The following GRM7 variants were observed in gnomAD, a reference collection of about 807,000 sequenced individuals.
GRM7 encodes glutamate metabotropic receptor 7.
Under a neutral mutation model 84.5 loss-of-function variants are expected in GRM7, and 35 were observed. The ratio of observed to expected loss-of-function variants is 0.41; its 90% CI spans 0.32 to 0.55. The LOEUF is 0.55. Among genes scored for constraint, GRM7 ranks in the 20% least tolerant of loss-of-function variants. The probability of loss-of-function intolerance (pLI) is 0.19; values close to 1 mark genes in which losing one functional copy is unlikely to be tolerated. For missense variants in GRM7, 1,003 were observed against 1,194.6 expected, an observed-to-expected ratio of 0.84 and a Z score of 2.36; for synonymous variants, 487 against 455.1, an observed-to-expected ratio of 1.07 and a Z score of -0.89.
chr3:7,476,732 G>C (rs754230354), intron 7 of GRM7, among the ~76,000 whole-genome samples: 4 of 152,082 alleles, frequency 2.6e-5, no homozygotes, highest in Non-Finnish European at 4.4e-5. Flanking sequence ...GCCATTCCCA[G>C]CTCCTGCTTC....
At chr3:6,896,894 A>G (rs1260259917) in intron 1 of GRM7, among the ~76,000 whole-genome samples, 1 of 152,126 alleles carries the variant, frequency 6.6e-6, no homozygotes, top group Non-Finnish European at 1.5e-5. Flanking sequence ...CTGTGCTCCA[A>G]CAATTGTGTG....
chr3:7,657,824 CT>C (rs1193985866), intron 8 of GRM7, among the ~76,000 whole-genome samples: 1 of 152,140 alleles, frequency 6.6e-6, no homozygotes, highest in African/African-American at 2.4e-5. Context: ...CTTTAGCTGG[CT>C]TTTAAGTTTC....
chr3:6,929,835 A>G (rs1697436962), intron 1 of GRM7, among the ~76,000 whole-genome samples: 1 of 152,098 alleles, frequency 6.6e-6, no homozygotes, highest in Admixed American at 6.5e-5. Context: ...AGGTGCTGTC[A>G]GAATGTTTTA....
intron 1 of GRM7, among the ~76,000 whole-genome samples, chr3:6,966,579 T>C (rs1693529284): frequency 6.6e-6 from 1 of 152,230 alleles, no homozygotes; most frequent in Non-Finnish European, 1.5e-5. Context: ...CATTTCCTTG[T>C]CTTCTTATAC....
chr3:7,238,405 T>C (rs1238535151), intron 2 of GRM7, among the ~76,000 whole-genome samples: 3 of 152,120 alleles, frequency 2.0e-5, no homozygotes, highest in Admixed American at 2.0e-4. Flanking sequence ...AGAAGGCTTC[T>C]CTGTTCGAAA....
At chr3:7,216,912 T>G (rs1696633297) in intron 2 of GRM7, among the ~76,000 whole-genome samples, 1 of 152,210 alleles carries the variant, frequency 6.6e-6, no homozygotes, top group African/African-American at 2.4e-5. Flanking sequence ...GACATCCATC[T>G]TTAATGTGAT....
At chr3:7,372,792 G>A (rs1255861682) in intron 4 of GRM7, among the ~76,000 whole-genome samples, 1 of 151,912 alleles carries the variant, frequency 6.6e-6, no homozygotes, top group African/African-American at 2.4e-5. Context: ...TTTTATATGT[G>A]GTGTATGTGA....
chr3:7,178,502 C>T (rs1040477546), intron 2 of GRM7, among the ~76,000 whole-genome samples: 1 of 152,142 alleles, frequency 6.6e-6, no homozygotes, highest in Non-Finnish European at 1.5e-5. Context: ...GCTCCTTGCA[C>T]ACCTCAGCTC....
intron 4 of GRM7, among the ~76,000 whole-genome samples, chr3:7,352,053 CACACCACACA>C (rs1693175422): frequency 9.1e-6 from 1 of 110,398 alleles, no homozygotes; most frequent in African/African-American, 3.7e-5. Context: ...CACACACACA[CACACCACACA>C]CACACACACA....
At chr3:7,057,629 T>C (rs553270192) in intron 1 of GRM7, among the ~76,000 whole-genome samples, 4 of 152,092 alleles carry the variant, frequency 2.6e-5, no homozygotes, top group South Asian at 4.1e-4. Flanking sequence ...AAATGAAAGA[T>C]CTAGAGTATA....
intron 4 of GRM7, among the ~76,000 whole-genome samples, chr3:7,386,410 C>T (rs1694788682): frequency 6.6e-6 from 1 of 152,138 alleles, no homozygotes; most frequent in Non-Finnish European, 1.5e-5. Flanking sequence ...AGATGTTCAA[C>T]CCTTGTCCCA....
chr3:7,171,378 G>T (rs1303084956), intron 2 of GRM7, among the ~76,000 whole-genome samples: 1 of 152,086 alleles, frequency 6.6e-6, no homozygotes, highest in Non-Finnish European at 1.5e-5. Flanking sequence ...ATTTTGGAGA[G>T]ATTACCTCTC....
intron 2 of GRM7, among the ~76,000 whole-genome samples, chr3:7,187,392 A>G (rs867625540): frequency 3.9e-5 from 6 of 152,200 alleles, no homozygotes; most frequent in Non-Finnish European, 4.4e-5. Context: ...CTCACCCTCC[A>G]TAAGTTTAGC....
Position 7,483,781 on chromosome 3 carries a change from G to T in GRM7, c.1515+22059G>T, listed in dbSNP as rs545128450. ...TATAGATAGATATGATTATGTATCT[G>T]TATCTATGTATATATGTTATATATA... On this transcript the variant is annotated intron_variant, in intron 7 of 9. Coordinates refer to ENST00000357716, the MANE Select transcript of GRM7 (RefSeq NM_000844.4). Among the ~76,000 whole-genome samples the T allele has an allele frequency of 2.4e-4, 37 of 151,828 alleles. 1 individual carries two copies. Among genetic ancestry groups the T allele is most frequent in the Middle Eastern group, 3.4e-3 (1 of 290 alleles).
At chr3:7,496,098 C>CAG (rs1383913329) in intron 7 of GRM7, among the ~76,000 whole-genome samples, 3 of 152,182 alleles carry the variant, frequency 2.0e-5, no homozygotes, top group Non-Finnish European at 4.4e-5. Context: ...AGCTTCTGGG[C>CAG]AGAGACCTGT....
intron 9 of GRM7, among the ~76,000 whole-genome samples, chr3:7,683,445 A>G (rs1465230357): frequency 6.6e-6 from 1 of 152,196 alleles, no homozygotes; most frequent in Non-Finnish European, 1.5e-5. Context: ...AAATTGCTTT[A>G]GCTCTTTGGT....
intron 4 of GRM7, among the ~76,000 whole-genome samples, chr3:7,332,083 C>T (rs1051803123): frequency 9.2e-5 from 14 of 152,094 alleles, no homozygotes; most frequent in African/African-American, 3.4e-4. Context: ...CTAGAGTAGA[C>T]TTGACATCCT....
chr3:7,423,522 A>C (rs1696481273), intron 5 of GRM7, among the ~76,000 whole-genome samples: 1 of 152,196 alleles, frequency 6.6e-6, no homozygotes, highest in Admixed American at 6.5e-5. Context: ...TCGGATGCTT[A>C]GAGTCATTTT....
intron 7 of GRM7, chr3:7,535,177 T>A (rs981105104): frequency 6.6e-6 from 1 of 151,934 alleles, no homozygotes; most frequent in Non-Finnish European, 1.5e-5. Flanking sequence ...TAGAATCTTG[T>A]ACATACCAAT....
Sources: gnomAD v4.1 joint callset for allele counts (sites outside exome capture counted in the v4.1 genomes callset) on GRCh38, gnomAD v4.1.1 for gene constraint, MANE v1.5 for transcripts, NCBI Gene and HGNC (gene_info 2026-07-23, HGNC 2026-07-21) for gene names.